The following TRNT1 variants were observed in gnomAD, a reference collection of about 807,000 sequenced individuals.
TRNT1 encodes CCA tRNA nucleotidyltransferase 1, mitochondrial.
A neutral mutation model predicts 45.6 loss-of-function variants in TRNT1; 44 were observed. The ratio of observed to expected loss-of-function variants is 0.97; its 90% CI spans 0.76 to 1.24. The LOEUF (loss-of-function observed/expected upper bound fraction) is 1.24, where lower values mean the gene tolerates loss of function less well. Ranked by LOEUF, TRNT1 falls within the 50% of genes most tolerant of loss-of-function variation. The probability of loss-of-function intolerance (pLI) is 0.00; values close to 1 mark genes in which losing one functional copy is unlikely to be tolerated. For synonymous variants in TRNT1, 201 were observed against 171.4 expected (o/e 1.17, Z -1.35); for missense variants, 633 against 504.4 (o/e 1.25, Z -2.44).
chr3:3,146,544 A>G lies in TRNT1; in HGVS notation c.723A>G (p.Glu241=). The G allele has an allele frequency of 6.2e-7, 1 of 1,614,064 alleles. No individual in the cohort carries two copies. Among genetic ancestry groups the G allele is most frequent in the Non-Finnish European group, 8.5e-7 (1 of 1,179,974 alleles). The part of the protein sequence containing the change: ...AGISGERIWV[E]LKKILVGNHV... ...TATCAGGAGAAAGGATTTGGGTGGAACTGAAAAAAATTCTTGTTGGTAACC... is the reference window on the plus strand; with the variant it reads ...TATCAGGAGAAAGGATTTGGGTGGAGCTGAAAAAAATTCTTGTTGGTAACC... Residue 241 remains glutamate, a synonymous_variant, in exon 6 of 8, where the codon GAA becomes GAG. Coordinates refer to ENST00000251607, the MANE Select transcript of TRNT1 (RefSeq NM_182916.3).
chr3:3,139,064 A>C (rs1705490059), intron 3 of TRNT1, among the ~76,000 whole-genome samples: 1 of 152,102 alleles, frequency 6.6e-6, no homozygotes, highest in Middle Eastern at 3.2e-3. Flanking sequence ...AGGGAAAGGG[A>C]TGAGGGTCAT....
At chr3:3,142,028 G>A (rs1012615513) in intron 4 of TRNT1, among the ~76,000 whole-genome samples, 1 of 152,120 alleles carries the variant, frequency 6.6e-6, no homozygotes, top group Non-Finnish European at 1.5e-5. Context: ...CATGATTTTG[G>A]CTTGTTTCCA....
Position 3,137,391 on chromosome 3 carries a change from C to T in TRNT1, c.280C>T (p.Gln94Ter). 6.2e-7 allele frequency: 1 copy of T among 1,613,904 alleles called. No individual in the cohort carries two copies. The highest frequency in any genetic ancestry group is 8.5e-7 in the Non-Finnish European group (1 of 1,179,906). The change falls in exon 3 of 8, where the codon CAG becomes TAG. Residue 94 changes from glutamine (Q) to a stop codon, truncating the protein, a stop_gained. Coordinates refer to ENST00000251607, the MANE Select transcript of TRNT1 (RefSeq NM_182916.3). LOFTEE classifies it high-confidence loss of function. Reference sequence around the variant, plus strand: ...CCCTACTCAAATGAAGGAGATGTTTCAGTCGGCTGGGATTCGGATGATAAA... The same window carrying T: ...CCCTACTCAAATGAAGGAGATGTTTTAGTCGGCTGGGATTCGGATGATAAA... ...ATPTQMKEMF[Q>*]SAGIRMINNR...
downstream of TRNT1, chr3:3,152,455 C>T: frequency 6.2e-7 from 1 of 1,613,040 alleles, no homozygotes; most frequent in East Asian, 2.2e-5. Context: ...CATAATATTA[C>T]CCAGGAAACC....
At chr3:3,153,322 G>T, downstream of TRNT1, 1 of 728,808 alleles carries the variant, frequency 1.4e-6, no homozygotes, top group Non-Finnish European at 2.5e-6. Context: ...CTAAATGTTT[G>T]TAACTTTAAG....
chr3:3,143,204 C>T (rs1172933100), intron 4 of TRNT1, among the ~76,000 whole-genome samples: 1 of 152,092 alleles, frequency 6.6e-6, no homozygotes, highest in Non-Finnish European at 1.5e-5. Flanking sequence ...TTTAAGTCTC[C>T]ATGGTAACCA....
chr3:3,150,968 A>G (rs1445423460), downstream of TRNT1: 4 of 1,614,054 alleles, frequency 2.5e-6, no homozygotes, highest in East Asian at 2.2e-5. Context: ...TTGAGGTGAC[A>G]TGTCTTTTTT....
intron 3 of TRNT1, among the ~76,000 whole-genome samples, chr3:3,139,376 A>G (rs1323511791): frequency 6.6e-6 from 1 of 152,234 alleles, no homozygotes. Context: ...AGAGAAGAGT[A>G]TGTATCAAAT....
chr3:3,146,698 T>A, intron 6 of TRNT1, 75 bp downstream of exon 6: 1 of 1,300,042 alleles, frequency 7.7e-7, no homozygotes. Flanking sequence ...GGAAAAAATG[T>A]TTGACTCATT....
intron 6 of TRNT1, 125 bp downstream of exon 6, chr3:3,146,748 A>G: frequency 5.3e-6 from 5 of 951,234 alleles, no homozygotes; most frequent in Non-Finnish European, 7.6e-6. Flanking sequence ...ATTTTAAAAT[A>G]AGACAAAGTT....
Position 3,129,201 on chromosome 3 carries a change from G to C in TRNT1, c.148+13G>C. The C allele has an allele frequency of 6.2e-7, 1 of 1,613,136 alleles. No homozygotes were observed. Among genetic ancestry groups the C allele is most frequent in the Non-Finnish European group, 8.5e-7 (1 of 1,179,432 alleles). On this transcript the variant is annotated intron_variant, in intron 2 of 7. Coordinates refer to ENST00000251607, the MANE Select transcript of TRNT1 (RefSeq NM_182916.3). ...AAGAGTCTGACAGGTGAGAGATTAG[G>C]ATACCTTTTCTTGATTGGAAACCTA...
Position 3,147,955 on chromosome 3 carries a change from A to G in TRNT1, c.1106A>G (p.Gln369Arg). The G allele has an allele frequency of 6.2e-7, 1 of 1,613,960 alleles. No individual in the cohort carries two copies. Among genetic ancestry groups the G allele is most frequent in the Non-Finnish European group, 8.5e-7 (1 of 1,179,852 alleles). Reference protein sequence around the residue: ...TTRVCELLKYQGEHCLLKEMQ... With the variant: ...TTRVCELLKYRGEHCLLKEMQ... ...CGTGTATGTGAACTACTGAAGTACC[A>G]AGGAGAGCACTGTCTCCTAAAGGAA... Residue 369 changes from glutamine to arginine, a missense_variant, in exon 8 of 8, where the codon CAA becomes CGA. Transcript: ENST00000251607.
At chr3:3,132,836 A>G (rs1705100935) in intron 2 of TRNT1, among the ~76,000 whole-genome samples, 1 of 151,638 alleles carries the variant, frequency 6.6e-6, no homozygotes, top group South Asian at 2.1e-4. Flanking sequence ...AGAGGTGGTG[A>G]TTGCTTCCAG....
intron 4 of TRNT1, among the ~76,000 whole-genome samples, chr3:3,143,215 A>C (rs906455374): frequency 2.6e-5 from 4 of 152,108 alleles, no homozygotes; most frequent in African/African-American, 9.7e-5. Flanking sequence ...ATGGTAACCA[A>C]CTGTCTTAGT....
chr3:3,152,358 AT>A, downstream of TRNT1: 1 of 1,294,634 alleles, frequency 7.7e-7, no homozygotes, highest in South Asian at 1.3e-5. Context: ...TCTACTTTTT[AT>A]TATAAAGATT....
chr3:3,129,280 ATTG>A (rs1704842419), intron 2 of TRNT1, 92 bp downstream of exon 2: 1 of 1,189,606 alleles, frequency 8.4e-7, no homozygotes, highest in Admixed American at 2.2e-5. Context: ...GGATATTTTC[ATTG>A]TTGTTTTAAT....
intron 2 of TRNT1, 182 bp downstream of exon 2, chr3:3,129,370 T>C: frequency 1.8e-6 from 1 of 566,266 alleles, no homozygotes; most frequent in South Asian, 2.2e-5. Context: ...GGCTCACTCC[T>C]TGGCCTCCCA....
intron 2 of TRNT1, among the ~76,000 whole-genome samples, chr3:3,134,109 A>T: frequency 6.6e-6 from 1 of 152,162 alleles, no homozygotes. Flanking sequence ...TTTTAGGCTT[A>T]AGTTTACAGT....
At position 3,129,090 on chromosome 3, in the gene TRNT1, G is replaced by A; in HGVS notation, c.50G>A (p.Trp17Ter). 1 of 1,613,938 alleles carries A rather than the reference G, an allele frequency of 6.2e-7. No individual in the cohort carries two copies. Among genetic ancestry groups the A allele is most frequent in the Non-Finnish European group, 8.5e-7 (1 of 1,179,794 alleles). The stretch of plus-strand genomic sequence containing the variant: ...CACAGGCCAGTGCTGAACCGTAGGT[G>A]GAGTAGGCTGTGCCTTCCGAAGCAG... Reference protein sequence around the residue: ...HWHRPVLNRRWSRLCLPKQYL... With the variant: ...HWHRPVLNRR The change falls in exon 2 of 8, where the codon TGG (tryptophan) becomes TAG (stop). Residue 17 changes from tryptophan (W) to a stop codon, truncating the protein, a stop_gained. Coordinates refer to ENST00000251607, the MANE Select transcript of TRNT1 (RefSeq NM_182916.3). LOFTEE classifies it high-confidence loss of function.
Sources: allele counts gnomAD v4.1 joint callset (sites outside exome capture counted in the v4.1 genomes callset), GRCh38; gene constraint gnomAD v4.1.1; transcripts MANE v1.5; gene names NCBI Gene and HGNC (gene_info 2026-07-23, HGNC 2026-07-21).